The following PAPPA2 variants were observed in gnomAD, a reference collection of about 807,000 sequenced individuals.
PAPPA2 encodes the protein pappalysin 2.
In PAPPA2, 86 loss-of-function variants were observed where a neutral mutation model predicts 176.4. That is an observed-to-expected ratio of 0.49 (90% CI 0.41 to 0.58). The LOEUF (loss-of-function observed/expected upper bound fraction) is 0.58. Among genes scored for constraint, PAPPA2 ranks in the 20% least tolerant of loss-of-function variants. The probability of loss-of-function intolerance (pLI) is 0.00; values close to 1 mark genes in which losing one functional copy is unlikely to be tolerated. For missense variants in PAPPA2, 2,073 were observed against 2,256.9 expected (o/e 0.92, Z 1.65); for synonymous variants, 809 against 852.2 (o/e 0.95, Z 0.88).
chr1:176,816,241 G>GTACATA (rs1553209489), intron 21 of PAPPA2, among the ~76,000 whole-genome samples: 1 of 113,522 alleles, frequency 8.8e-6, no homozygotes, highest in African/African-American at 3.9e-5. Flanking sequence ...GTGTGTGTGT[G>GTACATA]TATATATATA....
chr1:176,623,384 A>G (rs549478995), intron 3 of PAPPA2, among the ~76,000 whole-genome samples: 6 of 152,302 alleles, frequency 3.9e-5, no homozygotes, highest in Non-Finnish European at 8.8e-5. Flanking sequence ...CTCATTGGGA[A>G]GTAAAGAGTT....
intron 1 of PAPPA2, among the ~76,000 whole-genome samples, chr1:176,527,328 C>A (rs1279068802): frequency 6.6e-6 from 1 of 152,288 alleles, no homozygotes; most frequent in Non-Finnish European, 1.5e-5. Flanking sequence ...AATGACAACT[C>A]TGTGAGGTAT....
intron 3 of PAPPA2, among the ~76,000 whole-genome samples, chr1:176,623,359 G>A (rs10913219): frequency 0.25 from 37,787 of 151,994 alleles, 4,770 homozygotes; most frequent in South Asian, 0.34. Context: ...CTGATAATTT[G>A]CTGTTGCCAC....
chr1:176,777,231 G>GA (rs1265194193), intron 17 of PAPPA2, among the ~76,000 whole-genome samples: 1 of 151,996 alleles, frequency 6.6e-6, no homozygotes, highest in African/African-American at 2.4e-5. Context: ...ATTACCATCA[G>GA]AAAAAAAGCA....
At chr1:176,837,464 A>G (rs1249457682) in intron 21 of PAPPA2, among the ~76,000 whole-genome samples, 3 of 120,608 alleles carry the variant, frequency 2.5e-5, no homozygotes, top group Non-Finnish European at 5.0e-5. Context: ...TGGGTTCTAT[A>G]TGTTGTTAAA....
rs746724528 is a variant in PAPPA2 at position 176,595,551 on chromosome 1, G to C, written c.1947G>C (p.Val649=). 2 of 1,614,054 alleles carry C rather than the reference G, an allele frequency of 1.2e-6. No individual in the cohort carries two copies. Among genetic ancestry groups the C allele is most frequent in the Non-Finnish European group, 8.5e-7 (1 of 1,180,022 alleles). Residue 649 remains valine (V), a synonymous_variant, in exon 3 of 23, where the codon GTG becomes GTC. Transcript: ENST00000367662. ...FDDGDCCDPQ[V]ADVRKTCFDP... Reference sequence around the variant, plus strand: ...ACGGAGACTGCTGCGACCCCCAGGTGGCTGATGTGCGCAAGACCTGCTTTG... The same window carrying C: ...ACGGAGACTGCTGCGACCCCCAGGTCGCTGATGTGCGCAAGACCTGCTTTG...
chr1:176,657,770 G>A (rs1487199958), intron 3 of PAPPA2, among the ~76,000 whole-genome samples: 1 of 152,004 alleles, frequency 6.6e-6, no homozygotes. Flanking sequence ...GTGTGGTTAT[G>A]TAGATCTGAG....
intron 12 of PAPPA2, among the ~76,000 whole-genome samples, chr1:176,723,154 G>T (rs1376749405): frequency 1.3e-5 from 2 of 152,116 alleles, no homozygotes; most frequent in African/African-American, 2.4e-5. Context: ...CCACTCCTAT[G>T]ATAACTGAAC....
At chr1:176,600,675 CAAAAAAA>C (rs749068016) in intron 3 of PAPPA2, among the ~76,000 whole-genome samples, 1 of 80,870 alleles carries the variant, frequency 1.2e-5, no homozygotes, top group African/African-American at 4.7e-5. Flanking sequence ...GACTCCGTCT[CAAAAAAA>C]AAAAAAAAAA....
At chr1:176,749,089 TG>T (rs1466269823) in intron 14 of PAPPA2, among the ~76,000 whole-genome samples, 1 of 5,180 alleles carries the variant, frequency 1.9e-4, no homozygotes, top group African/African-American at 6.2e-4. Flanking sequence ...CATACACCAA[TG>T]TGGTCATATA....
intron 1 of PAPPA2, among the ~76,000 whole-genome samples, chr1:176,496,362 A>G (rs1194184210): frequency 6.6e-6 from 1 of 152,212 alleles, no homozygotes; most frequent in African/African-American, 2.4e-5. Flanking sequence ...TTTGAGGGGC[A>G]CACCTACAAC....
At chr1:176,551,740 C>T (rs1436852311) in intron 1 of PAPPA2, among the ~76,000 whole-genome samples, 12 of 152,244 alleles carry the variant, frequency 7.9e-5, no homozygotes, top group Non-Finnish European at 1.0e-4. Flanking sequence ...TGATCACAAA[C>T]AGCCCAATCT....
chr1:176,678,446 G>A (rs11804946), intron 4 of PAPPA2, among the ~76,000 whole-genome samples: 2 of 149,768 alleles, frequency 1.3e-5, no homozygotes, highest in African/African-American at 4.9e-5. Flanking sequence ...TTTTTTTAAA[G>A]GAGCATGGAA....
chr1:176,566,099 G>A (rs529762947), intron 2 of PAPPA2, among the ~76,000 whole-genome samples: 4 of 152,188 alleles, frequency 2.6e-5, no homozygotes, highest in South Asian at 4.1e-4. Context: ...AAGAGAAACC[G>A]AGGGGAGAAG....
intron 3 of PAPPA2, among the ~76,000 whole-genome samples, chr1:176,639,415 G>A (rs773053849): frequency 7.9e-5 from 12 of 152,062 alleles, no homozygotes; most frequent in Non-Finnish European, 1.6e-4. Flanking sequence ...AGATTGCCTG[G>A]TATAGGAAGA....
In PAPPA2 at chr1:176,789,953, C is replaced by G. The variant is rs1665104469; in HGVS notation, c.4860C>G (p.Leu1620=). ...NGFSLDSQCV[L]NCNQEREKLP... ...TCAGCCTGGACAGCCAGTGTGTGCT[C>G]AACTGTAACCAGGAACGTGAAAAGG... Residue 1620 remains leucine (L), a synonymous_variant, in exon 18 of 23, where the codon CTC becomes CTG. Coordinates refer to ENST00000367662, the MANE Select transcript of PAPPA2 (RefSeq NM_020318.3). 6.2e-7 allele frequency: 1 copy of G among 1,613,932 alleles called. No individual in the cohort carries two copies. The highest frequency in any genetic ancestry group is 8.5e-7 in the Non-Finnish European group (1 of 1,179,998).
At chr1:176,719,626 A>T (rs967822802) in intron 12 of PAPPA2, among the ~76,000 whole-genome samples, 4 of 152,092 alleles carry the variant, frequency 2.6e-5, no homozygotes, top group African/African-American at 9.7e-5. Flanking sequence ...ATTTATATCG[A>T]TAATTTCACT....
intron 17 of PAPPA2, among the ~76,000 whole-genome samples, chr1:176,779,661 C>G (rs949989285): frequency 3.3e-5 from 5 of 152,162 alleles, no homozygotes; most frequent in Admixed American, 2.6e-4. Context: ...CTCACATAAT[C>G]TACTCATTAC....
intron 1 of PAPPA2, among the ~76,000 whole-genome samples, chr1:176,486,581 A>G (rs1652653590): frequency 6.6e-6 from 1 of 152,220 alleles, no homozygotes; most frequent in Non-Finnish European, 1.5e-5. Flanking sequence ...GTGGCATTTG[A>G]GTGAAATCTT....
Sources: allele counts gnomAD v4.1 joint callset (sites outside exome capture counted in the v4.1 genomes callset), GRCh38; gene constraint gnomAD v4.1.1; transcripts MANE v1.5; gene names NCBI Gene and HGNC (gene_info 2026-07-23, HGNC 2026-07-21).